PPP1R13B: variants seen among roughly 807,000 people sequenced by gnomAD.
PPP1R13B encodes protein phosphatase 1 regulatory subunit 13B.
A neutral mutation model predicts 119.8 loss-of-function variants in PPP1R13B; 44 were observed. The ratio of observed to expected loss-of-function variants is 0.37; its 90% CI spans 0.29 to 0.47. The LOEUF is 0.47. Ranked by LOEUF, PPP1R13B falls within the 20% of genes least tolerant of loss-of-function variation. The pLI is 0.99. For missense variants in PPP1R13B, 1,227 were observed against 1,413.5 expected (o/e 0.87, Z 2.12); for synonymous variants, 542 against 561.5 (o/e 0.97, Z 0.49).
At chr14:103,792,886 T>A (rs778491708) in intron 2 of PPP1R13B, among the ~76,000 whole-genome samples, 7 of 151,896 alleles carry the variant, frequency 4.6e-5, no homozygotes, top group Non-Finnish European at 8.8e-5. Flanking sequence ...CTGGCCAATA[T>A]GGTGAAACCT....
At position 103,754,248 on chromosome 14, in the gene PPP1R13B, A is replaced by G. The variant is rs773165382; in HGVS notation, c.457-4T>C. 7 of 1,597,264 alleles carry G rather than the reference A, an allele frequency of 4.4e-6. No individual in the cohort carries two copies. Among genetic ancestry groups the G allele is most frequent in the Non-Finnish European group, 3.4e-6 (4 of 1,173,344 alleles). On this transcript the variant is annotated splice_polypyrimidine_tract_variant and splice_region_variant and intron_variant, in intron 5 of 16. Coordinates refer to ENST00000202556, the MANE Select transcript of PPP1R13B (RefSeq NM_015316.3). ...TTAGAAAATGTAAACGCTGTTCCTA[A>G]CAAAAGAAAGAAAAATGTAACTTTG...
Position 103,737,757 on chromosome 14 carries a change from T to A in PPP1R13B, c.2968A>T (p.Thr990Ser). 1.2e-6 allele frequency: 2 copies of A among 1,614,160 alleles called. No homozygotes were observed. Among genetic ancestry groups the A allele is most frequent in the Non-Finnish European group, 1.7e-6 (2 of 1,180,016 alleles). ...ATCTCCTCACACTTGTCTGCAGCAG[T>A]TTCAATGTCGCTTATGGTTGAGGCA... ...IFASTISDIE[T>S]AADKCEEMEE... Residue 990 changes from threonine to serine, a missense_variant, in exon 15 of 17, where the codon ACT becomes TCT. Transcript: ENST00000202556.
Position 103,740,805 on chromosome 14 carries a change from C to T in PPP1R13B, c.1823-212G>A, listed in dbSNP as rs75608171. Reference sequence around the variant, plus strand: ...AAGGTGCAGTGCCTCTCTAATGTGTCGGTTTTTACATTTGGGTTTCCAGAA... The same window carrying T: ...AAGGTGCAGTGCCTCTCTAATGTGTTGGTTTTTACATTTGGGTTTCCAGAA... On this transcript the variant is annotated intron_variant, in intron 11 of 16. Transcript: ENST00000202556. The surrounding 1 kb of genome is among the most constrained non-coding windows in gnomAD (Gnocchi z 4.6). Among the ~76,000 whole-genome samples the T allele has an allele frequency of 5.9e-3, 902 of 152,272 alleles. 12 individuals are homozygous for T. The highest frequency in any genetic ancestry group is 0.02 in the African/African-American group (844 of 41,550).
chr14:103,841,762 G>A (rs77026130), intron 1 of PPP1R13B, among the ~76,000 whole-genome samples: 144 of 152,226 alleles, frequency 9.5e-4, no homozygotes, highest in South Asian at 4.2e-3. Context: ...AAGATGCTTC[G>A]GAAATGAAAG....
intron 1 of PPP1R13B, among the ~76,000 whole-genome samples, chr14:103,819,682 A>T (rs2086362056): frequency 6.6e-6 from 1 of 152,062 alleles, no homozygotes; most frequent in South Asian, 2.1e-4. Context: ...GTGGACTGTG[A>T]GAAAGAGGTC....
At chr14:103,811,512 A>AC (rs1410045329) in intron 1 of PPP1R13B, among the ~76,000 whole-genome samples, 3 of 151,874 alleles carry the variant, frequency 2.0e-5, no homozygotes, top group Non-Finnish European at 2.9e-5. Context: ...ACATAGGGAG[A>AC]CCCCATCTCT....
intron 1 of PPP1R13B, among the ~76,000 whole-genome samples, chr14:103,836,076 C>T (rs1404330488): frequency 2.0e-5 from 3 of 149,638 alleles, no homozygotes; most frequent in African/African-American, 7.4e-5. Context: ...GACACAGTCT[C>T]ACTTTGTTGC....
chr14:103,770,058 C>A (rs2085030499), intron 4 of PPP1R13B, among the ~76,000 whole-genome samples: 1 of 145,054 alleles, frequency 6.9e-6, no homozygotes, highest in African/African-American at 2.5e-5. Flanking sequence ...ATGTGAATAA[C>A]TTTTTTTTTT....
chr14:103,846,288 A>G (rs2087029771), intron 1 of PPP1R13B, among the ~76,000 whole-genome samples: 1 of 152,252 alleles, frequency 6.6e-6, no homozygotes. Context: ...ATCAAGAGAA[A>G]GGAAATCAAA....
At position 103,740,071 on chromosome 14, in the gene PPP1R13B, G is replaced by C. The variant is rs374839893; in HGVS notation, c.2345C>G (p.Pro782Arg). 6.2e-7 allele frequency: 1 copy of C among 1,614,014 alleles called. No homozygotes were observed. Residue 782 changes from proline to arginine, a missense_variant, in exon 12 of 17, where the codon CCC becomes CGC. Physicochemically the swap from Pro to Arg is moderately radical, Grantham distance 103. Coordinates refer to ENST00000202556, the MANE Select transcript of PPP1R13B (RefSeq NM_015316.3). The surrounding 1 kb of genome is among the most constrained non-coding windows in gnomAD (Gnocchi z 4.6). ...LPPAQPTAPL[P>R]AEPAPSSDAN... Reference sequence around the variant, plus strand: ...ATCTGATGACGGGGCAGGCTCAGCGGGGAGTGGGGCTGTGGGCTGGGCAGG... The same window carrying C: ...ATCTGATGACGGGGCAGGCTCAGCGCGGAGTGGGGCTGTGGGCTGGGCAGG...
chr14:103,785,601 T>C (rs2085443906), intron 2 of PPP1R13B, among the ~76,000 whole-genome samples: 1 of 147,296 alleles, frequency 6.8e-6, no homozygotes, highest in South Asian at 2.2e-4. Context: ...AACCTCTGCC[T>C]CCAGGGTTCG....
chr14:103,834,549 A>G (rs1313061930), intron 1 of PPP1R13B, among the ~76,000 whole-genome samples: 2 of 151,694 alleles, frequency 1.3e-5, no homozygotes, highest in Non-Finnish European at 2.9e-5. Flanking sequence ...GGAAAACAGA[A>G]AGCACTGCAC....
chr14:103,812,200 T>G (rs1016698817), intron 1 of PPP1R13B, among the ~76,000 whole-genome samples: 2 of 142,232 alleles, frequency 1.4e-5, no homozygotes, highest in South Asian at 5.3e-4. Flanking sequence ...CTCAGCTCAC[T>G]GTGACCTCTG....
At position 103,742,912 on chromosome 14, in the gene PPP1R13B, A is replaced by G; in HGVS notation, c.1151-89T>C. On this transcript the variant is annotated intron_variant, in intron 9 of 16. Coordinates refer to ENST00000202556, the MANE Select transcript of PPP1R13B (RefSeq NM_015316.3). The surrounding 1 kb of genome is among the most constrained non-coding windows in gnomAD (Gnocchi z 4.9). Reference sequence around the variant, plus strand: ...ACACTCTGCCAGAAACAAAAACAGCACTGGGACATCCCATTCTGATGCAGA... The same window carrying G: ...ACACTCTGCCAGAAACAAAAACAGCGCTGGGACATCCCATTCTGATGCAGA... 1 of 1,432,500 alleles carries G rather than the reference A, an allele frequency of 7.0e-7. No individual in the cohort carries two copies. The highest frequency in any genetic ancestry group is 1.3e-5 in the South Asian group (1 of 79,184). The allele number at this position is 1,432,500 out of a possible 1,614,324, so 88.7% of individuals were successfully genotyped here.
chr14:103,812,964 A>G (rs1032395148), intron 1 of PPP1R13B, among the ~76,000 whole-genome samples: 2 of 152,224 alleles, frequency 1.3e-5, no homozygotes, highest in Admixed American at 6.5e-5. Flanking sequence ...GGAATACAAA[A>G]TGGTACAGCC....
intron 4 of PPP1R13B, among the ~76,000 whole-genome samples, chr14:103,768,503 T>G (rs973886967): frequency 6.6e-6 from 1 of 152,154 alleles, no homozygotes; most frequent in Non-Finnish European, 1.5e-5. Flanking sequence ...TTCACCATAT[T>G]GGCCAGGATG....
At chr14:103,769,430 G>A (rs1288635875) in intron 4 of PPP1R13B, among the ~76,000 whole-genome samples, 2 of 151,902 alleles carry the variant, frequency 1.3e-5, no homozygotes, top group African/African-American at 4.8e-5. Flanking sequence ...TGTAGAGACA[G>A]TGTCTCACTA....
intron 7 of PPP1R13B, among the ~76,000 whole-genome samples, chr14:103,752,534 C>CTTTTTTTTTT (rs35277937): frequency 7.9e-6 from 1 of 126,306 alleles, no homozygotes; most frequent in Non-Finnish European, 1.6e-5. Context: ...GAATTAGATC[C>CTTTTTTTTTT]TTTTTTTTTT....
intron 4 of PPP1R13B, among the ~76,000 whole-genome samples, chr14:103,774,043 G>C (rs571658338): frequency 2.0e-5 from 3 of 152,210 alleles, no homozygotes; most frequent in Non-Finnish European, 4.4e-5. Flanking sequence ...CAGTGGGAGA[G>C]AGAATAGTCT....
Sources: gnomAD v4.1 joint callset for allele counts (sites outside exome capture counted in the v4.1 genomes callset) on GRCh38, gnomAD v4.1.1 for gene constraint, Gnocchi (gnomAD v3.1) non-coding constraint, MANE v1.5 for transcripts, NCBI Gene and HGNC (gene_info 2026-07-23, HGNC 2026-07-21) for gene names.